The following TTC29 variants were observed in gnomAD, a reference collection of about 807,000 sequenced individuals.
TTC29 encodes tetratricopeptide repeat domain 29, also known as tetratricopeptide repeat protein 29.
In TTC29, 49 loss-of-function variants were observed where a neutral mutation model predicts 58.1. The observed-to-expected ratio is 0.84, with a 90% CI of 0.67 to 1.07. TTC29 has a LOEUF of 1.07. Ranked by LOEUF, TTC29 falls within the 50% of genes least tolerant of loss-of-function variation. The pLI, the probability that TTC29 is intolerant of heterozygous loss-of-function variation, is 0.00. For synonymous variants in TTC29, 209 were observed against 196.8 expected (o/e 1.06, Z -0.52); for missense variants, 582 against 555.6 (o/e 1.05, Z -0.48).
At chr4:146,826,924 T>G (rs1011822899) in intron 9 of TTC29, among the ~76,000 whole-genome samples, 1 of 151,904 alleles carries the variant, frequency 6.6e-6, no homozygotes, top group Non-Finnish European at 1.5e-5. Context: ...TTCATGAAGT[T>G]CTCATGCTGT....
At chr4:146,782,934 T>G (rs1432843104) in intron 11 of TTC29, among the ~76,000 whole-genome samples, 1 of 152,008 alleles carries the variant, frequency 6.6e-6, no homozygotes, top group Non-Finnish European at 1.5e-5. Flanking sequence ...GAAACCCATG[T>G]GGTCCCCTCA....
chr4:146,741,697 T>C (rs982996476), intron 11 of TTC29, among the ~76,000 whole-genome samples: 1 of 152,186 alleles, frequency 6.6e-6, no homozygotes, highest in Non-Finnish European at 1.5e-5. Flanking sequence ...ATTCCTAACA[T>C]GTTCTAGCTG....
intron 11 of TTC29, among the ~76,000 whole-genome samples, chr4:146,738,521 G>A (rs1030068621): frequency 2.0e-5 from 3 of 151,516 alleles, no homozygotes; most frequent in Non-Finnish European, 4.4e-5. Flanking sequence ...TTTTTTGCTC[G>A]AAGGGATCTG....
intron 8 of TTC29, among the ~76,000 whole-genome samples, chr4:146,856,885 G>A (rs1729894344): frequency 6.6e-6 from 1 of 151,556 alleles, no homozygotes; most frequent in Non-Finnish European, 1.5e-5. Context: ...GTTTCAGGAA[G>A]GACACAACTT....
chr4:146,717,838 A>G (rs1351309291), intron 11 of TTC29, among the ~76,000 whole-genome samples: 1 of 152,146 alleles, frequency 6.6e-6, no homozygotes, highest in African/African-American at 2.4e-5. Context: ...TATCTTAAAG[A>G]AAAAACCTTA....
At chr4:146,915,492 G>C (rs898003435) in intron 4 of TTC29, among the ~76,000 whole-genome samples, 2 of 151,898 alleles carry the variant, frequency 1.3e-5, no homozygotes, top group Non-Finnish European at 2.9e-5. Flanking sequence ...AAATTAAATG[G>C]ATATGGTTCC....
At chr4:146,898,978 T>A (rs1732957222) in intron 6 of TTC29, among the ~76,000 whole-genome samples, 1 of 152,184 alleles carries the variant, frequency 6.6e-6, no homozygotes. Flanking sequence ...AAGCAAGGCT[T>A]GAACTTAGCT....
At chr4:146,925,557 G>A (rs1358294189) in intron 4 of TTC29, among the ~76,000 whole-genome samples, 1 of 151,972 alleles carries the variant, frequency 6.6e-6, no homozygotes. Flanking sequence ...GTACTTCTGT[G>A]TGGCCATTTC....
At chr4:146,828,992 C>T (rs1193601620) in intron 9 of TTC29, among the ~76,000 whole-genome samples, 1 of 152,160 alleles carries the variant, frequency 6.6e-6, no homozygotes, top group Admixed American at 6.5e-5. Flanking sequence ...AGAAAGGGTA[C>T]AGCTTATTTG....
chr4:146,918,032 C>T (rs1305753999), intron 4 of TTC29, among the ~76,000 whole-genome samples: 2 of 150,490 alleles, frequency 1.3e-5, no homozygotes, highest in South Asian at 2.1e-4. Flanking sequence ...ATAAAATCTG[C>T]CCCCCAGAAC....
At chr4:146,824,500 TGC>T (rs1257770965) in intron 9 of TTC29, among the ~76,000 whole-genome samples, 1 of 152,212 alleles carries the variant, frequency 6.6e-6, no homozygotes, top group Non-Finnish European at 1.5e-5. Flanking sequence ...GGAATCAGTC[TGC>T]CAGTATTTTA....
Position 146,748,592 on chromosome 4 carries a change from C to T in TTC29, c.1331-41041G>A, listed in dbSNP as rs188870978. On this transcript the variant is annotated intron_variant, in intron 11 of 12. Coordinates refer to ENST00000325106, the MANE Select transcript of TTC29 (RefSeq NM_031956.4). ...GCAGCCACCACCACTGCCACAAACT[C>T]CTGCAGTCTCAACCAATGAGGCACC... is the stretch of plus-strand genomic sequence containing the variant. Among the ~76,000 whole-genome samples, 12 of 152,318 alleles carry T rather than the reference C, an allele frequency of 7.9e-5. No individual in the cohort carries two copies. In the East Asian group the frequency reaches 2.3e-3, roughly 29 times the overall value.
intron 6 of TTC29, among the ~76,000 whole-genome samples, chr4:146,893,864 G>C (rs1561228096): frequency 6.6e-6 from 1 of 152,172 alleles, no homozygotes; most frequent in Non-Finnish European, 1.5e-5. Flanking sequence ...CAAAAAGTGG[G>C]TGAAGGATAT....
At chr4:146,748,340 G>T (rs1355194207) in intron 11 of TTC29, among the ~76,000 whole-genome samples, 1 of 152,142 alleles carries the variant, frequency 6.6e-6, no homozygotes, top group Non-Finnish European at 1.5e-5. Flanking sequence ...ATGTCTTGGA[G>T]AGTGAGCCTG....
rs527608945 is a variant in TTC29 at position 146,774,331 on chromosome 4, G to A, written c.1330+29126C>T. ...TTACATGTGATGTTATGTTGTTAAT[G>A]AGAGATCTTTCTAATTTTTTGATGT... On this transcript the variant is annotated intron_variant, in intron 11 of 12. Coordinates refer to ENST00000325106, the MANE Select transcript of TTC29 (RefSeq NM_031956.4). 4.6e-5 allele frequency among the ~76,000 whole-genome samples: 7 copies of A among 152,096 alleles called. No homozygotes were observed. In the East Asian group the frequency reaches 1.4e-3, roughly 29 times the overall value.
intron 9 of TTC29, among the ~76,000 whole-genome samples, chr4:146,830,789 GTAT>G: frequency 7.2e-6 from 1 of 138,322 alleles, no homozygotes; most frequent in South Asian, 2.1e-4. Context: ...GTATGTGCAT[GTAT>G]GTATGTGTGC....
chr4:146,744,218 G>A (rs1012411090), intron 11 of TTC29, among the ~76,000 whole-genome samples: 6 of 152,180 alleles, frequency 3.9e-5, no homozygotes, highest in Middle Eastern at 6.8e-3. Context: ...CTTAGGATGC[G>A]TACGTGTAAG....
chr4:146,735,013 A>G (rs968847136), intron 11 of TTC29, among the ~76,000 whole-genome samples: 19 of 152,158 alleles, frequency 1.2e-4, no homozygotes, highest in Non-Finnish European at 2.8e-4. Flanking sequence ...CACTGGATGC[A>G]TAAGGAAATG....
intron 8 of TTC29, among the ~76,000 whole-genome samples, chr4:146,857,474 G>T (rs774233463): frequency 1.3e-5 from 2 of 152,012 alleles, no homozygotes; most frequent in African/African-American, 4.8e-5. Flanking sequence ...TGCTGAGACC[G>T]CTGAGCCTAC....
Sources: gnomAD v4.1 joint callset for allele counts (sites outside exome capture counted in the v4.1 genomes callset) on GRCh38, gnomAD v4.1.1 for gene constraint, MANE v1.5 for transcripts, NCBI Gene and HGNC (gene_info 2026-07-23, HGNC 2026-07-21) for gene names.